UNC13C: variants seen among roughly 807,000 people sequenced by gnomAD.
The protein encoded by UNC13C is unc-13 homolog C.
Under a neutral mutation model 245.4 loss-of-function variants are expected in UNC13C, and 174 were observed. The observed-to-expected ratio is 0.71, with a 90% CI of 0.63 to 0.80. UNC13C has a LOEUF of 0.80. Ranked by LOEUF, UNC13C falls within the 30% of genes least tolerant of loss-of-function variation. The probability of loss-of-function intolerance (pLI) is 0.00; values close to 1 mark genes in which losing one functional copy is unlikely to be tolerated. For missense variants in UNC13C, 2,829 were observed against 2,602.9 expected (o/e 1.09, Z -1.89); for synonymous variants, 992 against 895.1 (o/e 1.11, Z -1.93).
intron 19 of UNC13C, among the ~76,000 whole-genome samples, chr15:54,480,088 G>A (rs927939671): frequency 6.6e-6 from 1 of 151,990 alleles, no homozygotes; most frequent in Non-Finnish European, 1.5e-5. Flanking sequence ...TTTCCTTACT[G>A]TTTGGAGAAT....
intron 8 of UNC13C, among the ~76,000 whole-genome samples, chr15:54,255,250 T>C (rs923840770): frequency 1.3e-5 from 2 of 152,120 alleles, no homozygotes; most frequent in Non-Finnish European, 2.9e-5. Context: ...CCAGGGTTCT[T>C]GCTTTGGTGT....
At chr15:54,457,176 A>G (rs891325516) in intron 19 of UNC13C, among the ~76,000 whole-genome samples, 1 of 152,132 alleles carries the variant, frequency 6.6e-6, no homozygotes, top group African/African-American at 2.4e-5. Flanking sequence ...GTGGTGTATC[A>G]CATTTACTGA....
intron 2 of UNC13C, among the ~76,000 whole-genome samples, chr15:54,083,881 C>A (rs536602675): frequency 6.6e-6 from 1 of 152,284 alleles, no homozygotes; most frequent in African/African-American, 2.4e-5. Flanking sequence ...GGTACATAAC[C>A]AGTATGGTAC....
intron 30 of UNC13C, among the ~76,000 whole-genome samples, chr15:54,599,450 C>T (rs1426273809): frequency 6.6e-6 from 1 of 151,978 alleles, no homozygotes; most frequent in Non-Finnish European, 1.5e-5. Context: ...TCAGTATCTG[C>T]TTGCAATCAT....
chr15:54,575,912 C>T (rs1454480828), intron 30 of UNC13C, among the ~76,000 whole-genome samples: 1 of 152,188 alleles, frequency 6.6e-6, no homozygotes, highest in Non-Finnish European at 1.5e-5. Context: ...ACATTGCAGT[C>T]TTTCTGATGA....
chr15:54,351,512 G>A (rs937302436), intron 17 of UNC13C, among the ~76,000 whole-genome samples: 3 of 152,112 alleles, frequency 2.0e-5, no homozygotes, highest in Non-Finnish European at 2.9e-5. Flanking sequence ...CTCTTCCCCA[G>A]CTTCCCAGAA....
chr15:54,490,158 T>G (rs1893630030), intron 19 of UNC13C, among the ~76,000 whole-genome samples: 2 of 152,220 alleles, frequency 1.3e-5, no homozygotes, highest in Non-Finnish European at 2.9e-5. Flanking sequence ...TCTAATGTTT[T>G]TTCCCAGCAA....
the UNC13C span, among the ~76,000 whole-genome samples, chr15:53,897,412 G>C: frequency 6.6e-6 from 1 of 152,140 alleles, no homozygotes; most frequent in Non-Finnish European, 1.5e-5. Context: ...TACATGGATA[G>C]CAACAATAAT....
chr15:54,073,651 CAT>C (rs1449297098), intron 2 of UNC13C, among the ~76,000 whole-genome samples: 1 of 151,990 alleles, frequency 6.6e-6, no homozygotes, highest in Non-Finnish European at 1.5e-5. Flanking sequence ...AGCATTTTTT[CAT>C]ATGTTTATTG....
intron 19 of UNC13C, among the ~76,000 whole-genome samples, chr15:54,419,198 T>A (rs971103851): frequency 2.6e-5 from 4 of 152,204 alleles, no homozygotes; most frequent in Non-Finnish European, 5.9e-5. Flanking sequence ...AAAATATGTT[T>A]ACCTGAGTAA....
chr15:54,509,441 C>T (rs1894639504), intron 23 of UNC13C, among the ~76,000 whole-genome samples: 2 of 152,140 alleles, frequency 1.3e-5, no homozygotes, highest in East Asian at 3.9e-4. Flanking sequence ...TATTTTTAAA[C>T]TCAGAAACAC....
intron 30 of UNC13C, among the ~76,000 whole-genome samples, chr15:54,612,366 C>A (rs1057136770): frequency 6.6e-6 from 1 of 151,936 alleles, no homozygotes; most frequent in African/African-American, 2.4e-5. Flanking sequence ...CTATTTCTTT[C>A]TTCATTTAGA....
At chr15:54,003,342 T>C (rs1894984006) in intron 1 of UNC13C, among the ~76,000 whole-genome samples, 1 of 152,196 alleles carries the variant, frequency 6.6e-6, no homozygotes, top group African/African-American at 2.4e-5. Flanking sequence ...TCTGTGCATG[T>C]GATTAGGAAA....
At chr15:54,178,391 A>T (rs769949449) in intron 4 of UNC13C, among the ~76,000 whole-genome samples, 1 of 152,158 alleles carries the variant, frequency 6.6e-6, no homozygotes, top group Non-Finnish European at 1.5e-5. Flanking sequence ...ATCGATGGAT[A>T]TTTAAGATGT....
At chr15:53,957,819 G>A in the UNC13C span, among the ~76,000 whole-genome samples, 1 of 152,214 alleles carries the variant, frequency 6.6e-6, no homozygotes, top group Admixed American at 6.5e-5. Flanking sequence ...ATAGTGCTCA[G>A]CCTTGCATGG....
At chr15:54,211,893 A>G (rs555552786) in intron 4 of UNC13C, among the ~76,000 whole-genome samples, 5 of 152,086 alleles carry the variant, frequency 3.3e-5, no homozygotes, top group African/African-American at 1.2e-4. Flanking sequence ...ATTGATGCCA[A>G]AGTCTTCTCC....
At chr15:54,451,333 G>A (rs72736512) in intron 19 of UNC13C, among the ~76,000 whole-genome samples, 22,974 of 151,956 alleles carry the variant, frequency 0.15, 1,764 homozygotes, top group Non-Finnish European at 0.17. Context: ...ATCTATGTAA[G>A]GGATGTAAGC....
chr15:54,423,570 A>G (rs11857099), intron 19 of UNC13C, among the ~76,000 whole-genome samples: 41,907 of 151,672 alleles, frequency 0.28, 6,178 homozygotes, highest in African/African-American at 0.37. Context: ...TAAGATATTC[A>G]TGGTGAATGA....
chr15:53,958,603 T>C, the UNC13C span, among the ~76,000 whole-genome samples: 1 of 152,196 alleles, frequency 6.6e-6, no homozygotes, highest in South Asian at 2.1e-4. Context: ...GCTCAGGCTG[T>C]CTGATCCCCA....
Sources: gnomAD v4.1 joint callset for allele counts (sites outside exome capture counted in the v4.1 genomes callset) on GRCh38, gnomAD v4.1.1 for gene constraint, MANE v1.5 for transcripts, NCBI Gene and HGNC (gene_info 2026-07-23, HGNC 2026-07-21) for gene names.